WRN: variants seen among roughly 807,000 people sequenced by gnomAD.
The protein encoded by WRN is bifunctional 3'-5' exonuclease/ATP-dependent helicase WRN.
In WRN, 149 loss-of-function variants were observed where a neutral mutation model predicts 180.7. The observed-to-expected ratio is 0.82, with a 90% CI of 0.72 to 0.94. WRN has a LOEUF of 0.94. Ranked by LOEUF, WRN falls within the 40% of genes least tolerant of loss-of-function variation. The pLI is 0.00. For synonymous variants in WRN, 548 were observed against 568.9 expected (o/e 0.96, Z 0.52); for missense variants, 1,661 against 1,700.1 (o/e 0.98, Z 0.40).
At chr8:31,120,491 TG>T in intron 21 of WRN, 67 bp downstream of exon 21, 6 of 1,462,316 alleles carry the variant, frequency 4.1e-6, no homozygotes, top group Non-Finnish European at 4.6e-6. Context: ...ACCTCAAAAG[TG>T]TTTGAGGCTA....
At chr8:31,037,771 T>C (rs942309858) in intron 1 of WRN, among the ~76,000 whole-genome samples, 9 of 152,204 alleles carry the variant, frequency 5.9e-5, no homozygotes, top group Non-Finnish European at 1.3e-4. Context: ...AGTACCGTGC[T>C]GTTTTAATTA....
intron 31 of WRN, among the ~76,000 whole-genome samples, chr8:31,154,328 G>A (rs1585532670): frequency 6.6e-6 from 1 of 151,998 alleles, no homozygotes; most frequent in African/African-American, 2.4e-5. Flanking sequence ...TAAAGACAGA[G>A]TAGTTCACAT....
chr8:31,135,335 C>T lies in WRN; in HGVS notation c.2967+2829C>T, dbSNP rs762358636. ...CTTGGCCTCCCAAAGCACCGAGAGT[C>T]ACTGTGCCAGGCTGAGTTTAAAATT... is the stretch of plus-strand genomic sequence containing the variant. On this transcript the variant is annotated intron_variant, in intron 24 of 34. Coordinates refer to ENST00000298139, the MANE Select transcript of WRN (RefSeq NM_000553.6). Among the ~76,000 whole-genome samples the T allele has an allele frequency of 1.0e-3, 153 of 152,202 alleles. 2 individuals are homozygous for T. The highest frequency in any genetic ancestry group is 1.2e-3 in the Non-Finnish European group (81 of 67,996).
chr8:31,084,170 T>A (rs1813432822), intron 10 of WRN, among the ~76,000 whole-genome samples: 2 of 152,048 alleles, frequency 1.3e-5, no homozygotes, highest in South Asian at 4.1e-4. Flanking sequence ...GGCTAATTTT[T>A]ATAGTTTTAG....
intron 23 of WRN, chr8:31,131,754 A>G (rs1377541763): frequency 6.5e-6 from 1 of 152,902 alleles, no homozygotes; most frequent in Non-Finnish European, 1.5e-5. Flanking sequence ...GTTTAAGATG[A>G]ACCTTCAAAT....
chr8:31,086,272 G>A (rs916353208), intron 11 of WRN, among the ~76,000 whole-genome samples: 2 of 151,928 alleles, frequency 1.3e-5, no homozygotes, highest in Non-Finnish European at 2.9e-5. Flanking sequence ...TGAGTAGTGA[G>A]TAAGAATGTA....
rs1264102305 is a variant in WRN at position 31,175,819 on chromosome 8, T to C, written c.*2717T>C. 6.6e-6 allele frequency among the ~76,000 whole-genome samples: 1 copy of C among 152,208 alleles called. No individual in the cohort carries two copies. The highest frequency in any genetic ancestry group is 1.5e-5 in the Non-Finnish European group (1 of 68,030). On this transcript the variant is annotated 3_prime_UTR_variant, in exon 35 of 35. Transcript: ENST00000298139. Reference sequence around the variant, plus strand: ...TTGCAAAATGTAAACAATGCTGCTGTTCTCAGTTTTTAAAAATATGTTTTT... The same window carrying C: ...TTGCAAAATGTAAACAATGCTGCTGCTCTCAGTTTTTAAAAATATGTTTTT...
intron 24 of WRN, among the ~76,000 whole-genome samples, chr8:31,137,852 A>G (rs1291044330): frequency 6.6e-6 from 1 of 152,116 alleles, no homozygotes; most frequent in Non-Finnish European, 1.5e-5. Context: ...TAATCCCAGC[A>G]CTTTGGGAGA....
Position 31,147,397 on chromosome 8 carries a change from C to T in WRN, c.3493C>T (p.Gln1165Ter), listed in dbSNP as rs121908447. ...ATATGGCAAATTGGTAGAAGCTAGG[C>T]AGAAACATGCCAATAAAATGGATGT... ...VLYGKLVEAR[Q>*]KHANKMDVPP... The change falls in exon 30 of 35, where the codon CAG (glutamine) becomes TAG (stop). Residue 1165 changes from glutamine to a stop codon, truncating the protein, a stop_gained. Coordinates refer to ENST00000298139, the MANE Select transcript of WRN (RefSeq NM_000553.6). LOFTEE classifies it high-confidence loss of function. 1 of 1,613,972 alleles carries T rather than the reference C, an allele frequency of 6.2e-7. No individual in the cohort carries two copies. The highest frequency in any genetic ancestry group is 8.5e-7 in the Non-Finnish European group (1 of 1,179,960).
intron 21 of WRN, among the ~76,000 whole-genome samples, chr8:31,122,244 T>TA (rs1163763004): frequency 1.3e-5 from 2 of 151,980 alleles, no homozygotes; most frequent in Non-Finnish European, 2.9e-5. Context: ...TTAATCAGGA[T>TA]AAAAAAGAAT....
At chr8:31,143,058 C>CACACACAT (rs1554533182) in intron 27 of WRN, among the ~76,000 whole-genome samples, 9 of 140,830 alleles carry the variant, frequency 6.4e-5, no homozygotes, top group Non-Finnish European at 1.4e-4. Context: ...CACACACATT[C>CACACACAT]TCTCTCTCTC....
chr8:31,157,723 T>A (rs1307323537), intron 33 of WRN, among the ~76,000 whole-genome samples, 193 bp downstream of exon 33: 2 of 152,044 alleles, frequency 1.3e-5, no homozygotes, highest in Non-Finnish European at 2.9e-5. Context: ...ACTGAGAAAT[T>A]TTTTTGTTTT....
intron 1 of WRN, among the ~76,000 whole-genome samples, chr8:31,038,227 C>G (rs1314794780): frequency 6.6e-6 from 1 of 152,072 alleles, no homozygotes; most frequent in Non-Finnish European, 1.5e-5. Flanking sequence ...CATATGCTCA[C>G]CAAAACTTAA....
At chr8:31,149,584 C>T (rs1803029911) in intron 30 of WRN, among the ~76,000 whole-genome samples, 1 of 145,358 alleles carries the variant, frequency 6.9e-6, no homozygotes, top group South Asian at 2.3e-4. Flanking sequence ...AAGCAATTCT[C>T]CTGCCTCAGC....
chr8:31,159,944 C>CAAAAAA (rs35353095), intron 33 of WRN, among the ~76,000 whole-genome samples: 4 of 101,846 alleles, frequency 3.9e-5, no homozygotes, highest in African/African-American at 1.5e-4. Flanking sequence ...GACTCTGTCT[C>CAAAAAA]AAAAAAAAAA....
intron 8 of WRN, 40 bp downstream of exon 8, chr8:31,076,327 C>T: frequency 6.7e-7 from 1 of 1,501,298 alleles, no homozygotes; most frequent in South Asian, 1.2e-5. Context: ...TAAATCAATT[C>T]TGTTTATTTT....
chr8:31,040,196 A>G (rs76769054), intron 1 of WRN, among the ~76,000 whole-genome samples: 13,936 of 152,302 alleles, frequency 0.092, 711 homozygotes, highest in African/African-American at 0.13. Context: ...GATGGGAAAT[A>G]TACAAAAGGA....
intron 12 of WRN, among the ~76,000 whole-genome samples, chr8:31,088,559 GTTATA>G (rs750702160): frequency 6.6e-6 from 1 of 151,954 alleles, no homozygotes; most frequent in Non-Finnish European, 1.5e-5. Context: ...TTGAAGGTTG[GTTATA>G]TTATAACATT....
intron 27 of WRN, 78 bp from the exon 28 acceptor site, chr8:31,143,472 A>G (rs1362794601): frequency 3.0e-6 from 3 of 1,007,038 alleles, no homozygotes; most frequent in African/African-American, 1.6e-5. Flanking sequence ...TGATTTTGAG[A>G]TTTTTGTTTC....
Sources: gnomAD v4.1 joint callset for allele counts (sites outside exome capture counted in the v4.1 genomes callset) on GRCh38, gnomAD v4.1.1 for gene constraint, MANE v1.5 for transcripts, NCBI Gene and HGNC (gene_info 2026-07-23, HGNC 2026-07-21) for gene names.